CDH22: variants seen among roughly 807,000 people sequenced by gnomAD.
CDH22 encodes cadherin-22.
CDH22 carries 30 observed loss-of-function variants against 58.4 expected under a neutral mutation model. The ratio of observed to expected loss-of-function variants is 0.51; its 90% CI spans 0.38 to 0.70. The LOEUF (loss-of-function observed/expected upper bound fraction) is 0.70, where lower values mean the gene tolerates loss of function less well. Among genes scored for constraint, CDH22 ranks in the 30% least tolerant of loss-of-function variants. The pLI is 0.00. For synonymous variants in CDH22, 513 were observed against 558.2 expected, an observed-to-expected ratio of 0.92 and a Z score of 1.14; for missense variants, 1,014 against 1,233.9, an observed-to-expected ratio of 0.82 and a Z score of 2.67.
chr20:46,178,175 C>T lies in CDH22; in HGVS notation c.1686G>A (p.Thr562=), dbSNP rs370867766. 3.7e-6 allele frequency: 6 copies of T among 1,613,654 alleles called. No individual in the cohort carries two copies. The African/African-American group carries it at 4.0e-5, about 11-fold the overall frequency. The change falls in exon 11 of 12, where the codon ACG becomes ACA. Residue 562 remains threonine, a synonymous_variant. Coordinates refer to ENST00000537909, the MANE Select transcript of CDH22 (RefSeq NM_021248.3). ...DIQDNTAAVH[T]QHVGFNRQEQ... Reference sequence around the variant, plus strand: ...CCTGCCGGTTGAAGCCCACGTGCTGCGTGTGCACTGCAGCGGTGTTGTCTG... The same window carrying T: ...CCTGCCGGTTGAAGCCCACGTGCTGTGTGTGCACTGCAGCGGTGTTGTCTG...
At chr20:46,224,576 A>C (rs966824011) in intron 4 of CDH22, among the ~76,000 whole-genome samples, 3 of 152,142 alleles carry the variant, frequency 2.0e-5, no homozygotes, top group African/African-American at 7.2e-5. Flanking sequence ...TTAAAGCTGA[A>C]TTTTTTAGCT....
chr20:46,210,348 C>G lies in CDH22; in HGVS notation c.1245G>C (p.Val415=). The G allele has an allele frequency of 6.8e-7, 1 of 1,467,172 alleles. No homozygotes were observed. The highest frequency in any genetic ancestry group is 1.3e-5 in the South Asian group (1 of 76,528). The allele number at this position is 1,467,172 out of a possible 1,614,324, so 90.9% of individuals were successfully genotyped here. ...EDAQVGSLVG[V]VTARDPDAAN... is the part of the protein sequence containing the mutation. ...CGGCGTCGGGGTCCCGCGCCGTCAC[C>G]ACGCCGACCAGGGAGCCCACCTGCG... Residue 415 remains valine, a synonymous_variant, in exon 7 of 12, where the codon GTG becomes GTC. Coordinates refer to ENST00000537909, the MANE Select transcript of CDH22 (RefSeq NM_021248.3). This position sits in a 1 kb window ranked among gnomAD's most constrained non-coding sequence, Gnocchi z 4.5.
intron 1 of CDH22, among the ~76,000 whole-genome samples, chr20:46,306,369 G>A (rs192732943): frequency 6.6e-6 from 1 of 152,350 alleles, no homozygotes; most frequent in East Asian, 1.9e-4. Context: ...CAGCCCAGGT[G>A]GTCTCCAATG....
chr20:46,236,735 A>G (rs902029864), intron 3 of CDH22, among the ~76,000 whole-genome samples: 48 of 151,222 alleles, frequency 3.2e-4, no homozygotes, highest in Non-Finnish European at 1.2e-4. Context: ...ACTGTCACTC[A>G]GGCTGGAGTG....
chr20:46,275,577 G>T (rs1230533855), intron 1 of CDH22, among the ~76,000 whole-genome samples: 2 of 152,034 alleles, frequency 1.3e-5, no homozygotes, highest in Admixed American at 6.6e-5. Flanking sequence ...AATCTTTGTT[G>T]GTTCAATTCA....
intron 3 of CDH22, among the ~76,000 whole-genome samples, chr20:46,233,804 T>C (rs1170646608): frequency 6.6e-6 from 1 of 152,362 alleles, no homozygotes; most frequent in African/African-American, 2.4e-5. Context: ...TCCTGTCCCG[T>C]TCCCCCCAGC....
chr20:46,221,932 C>T (rs551502195), intron 4 of CDH22, among the ~76,000 whole-genome samples: 11 of 152,306 alleles, frequency 7.2e-5, no homozygotes, highest in Non-Finnish European at 1.3e-4. Flanking sequence ...TGCCGAGGGC[C>T]TACTACAGGT....
chr20:46,209,053 A>G (rs1000764827), intron 7 of CDH22, among the ~76,000 whole-genome samples: 1 of 152,256 alleles, frequency 6.6e-6, no homozygotes, highest in Non-Finnish European at 1.5e-5. Context: ...AGGTAATCAG[A>G]AAAGCAGGTA....
chr20:46,283,654 G>C (rs1041172401), intron 1 of CDH22, among the ~76,000 whole-genome samples: 2 of 152,106 alleles, frequency 1.3e-5, no homozygotes, highest in African/African-American at 4.8e-5. Context: ...TCTGGCTCAT[G>C]CCAGCACCTC....
Position 46,247,054 on chromosome 20 carries a change from C to G in CDH22, c.255+3986G>C, listed in dbSNP as rs971074190. ...GTGGGCTAATGACAACCTTCCCCCCCACTTAGTGGTAAGAAACTATACTGT... is the reference window on the plus strand; with the variant it reads ...GTGGGCTAATGACAACCTTCCCCCCGACTTAGTGGTAAGAAACTATACTGT... On this transcript the variant is annotated intron_variant, in intron 2 of 11. Coordinates refer to ENST00000537909, the MANE Select transcript of CDH22 (RefSeq NM_021248.3). 5.3e-5 allele frequency among the ~76,000 whole-genome samples: 8 copies of G among 151,640 alleles called. No homozygotes were observed. In the East Asian group the frequency reaches 1.2e-3, roughly 22 times the overall value.
At chr20:46,228,778 T>A (rs2086199032) in intron 3 of CDH22, among the ~76,000 whole-genome samples, 1 of 152,106 alleles carries the variant, frequency 6.6e-6, no homozygotes, top group African/African-American at 2.4e-5. Context: ...TGGGCTGGGC[T>A]GGGCTCCCTG....
rs117960688 is a variant in CDH22, at chr20:46,234,575, G to A, written c.550+6388C>T. 7.1e-3 allele frequency among the ~76,000 whole-genome samples: 1,084 copies of A among 152,274 alleles called. 4 individuals are homozygous for A. Among genetic ancestry groups the A allele is most frequent in the South Asian group, 0.028 (133 of 4,822 alleles). ...TCTTTTCCCATCTATTAAATATGCT[G>A]CTCACAGAGGAATTGAAACACATGG... On this transcript the variant is annotated intron_variant, in intron 3 of 11. Coordinates refer to ENST00000537909, the MANE Select transcript of CDH22 (RefSeq NM_021248.3).
rs772360006 is a variant in CDH22 at position 46,174,934 on chromosome 20, C to T, written c.2059G>A (p.Ala687Thr). 4 of 1,593,572 alleles carry T rather than the reference C, an allele frequency of 2.5e-6. No individual in the cohort carries two copies. In the African/African-American group the frequency reaches 4.0e-5, roughly 16 times the overall value. The change falls in exon 12 of 12, where the codon GCG becomes ACG. Residue 687 changes from alanine to threonine, a missense_variant. Around this residue, in one of 2 missense-constraint regions of CDH22, gnomAD observed 806 missense variants for 1,038.7 expected, o/e 0.78. Coordinates refer to ENST00000537909, the MANE Select transcript of CDH22 (RefSeq NM_021248.3). This position sits in a 1 kb window ranked among gnomAD's most constrained non-coding sequence, Gnocchi z 4.4. ...CCGAAGTCGTAGAGGCTCCGCAGCGCCGACATGTCGTAGGCTTCGGTGTCC... is the reference window on the plus strand; with the variant it reads ...CCGAAGTCGTAGAGGCTCCGCAGCGTCGACATGTCGTAGGCTTCGGTGTCC... ...EQDTEAYDMSALRSLYDFGEL... is the reference protein window; with the variant it reads ...EQDTEAYDMSTLRSLYDFGEL...
At chr20:46,280,014 G>A (rs1213925819) in intron 1 of CDH22, among the ~76,000 whole-genome samples, 2 of 152,186 alleles carry the variant, frequency 1.3e-5, no homozygotes, top group Non-Finnish European at 2.9e-5. Context: ...ACAGAGGGCT[G>A]CAGTGATTTG....
chr20:46,174,859 CGCCCGCT>C lies in CDH22; in HGVS notation c.2127_2133del (p.Ala710GlyfsTer192). 7.5e-7 allele frequency: 1 copy of C among 1,326,160 alleles called. No individual in the cohort carries two copies. Among genetic ancestry groups the C allele is most frequent in the Non-Finnish European group, 9.6e-7 (1 of 1,038,428 alleles). 82.1% of individuals were successfully genotyped at this position (1,326,160 alleles called of 1,614,324 possible). A position where few individuals can be genotyped will look rare whatever the true frequency, so the allele number is the denominator to read the frequency against. Reference sequence around the variant, plus strand: ...CTGCCCGCGCCCCCGCCCGAGCCCCCGCCCGCTCCCCCGCCCGCGCTGCCGCCCCCGT... The same window carrying C: ...CTGCCCGCGCCCCCGCCCGAGCCCCCCCCCCGCCCGCGCTGCCGCCCCCGT... On this transcript the variant is annotated frameshift_variant, in exon 12 of 12. Transcript: ENST00000537909. LOFTEE classifies it low-confidence loss of function (END_TRUNC). The surrounding 1 kb of genome is among the most constrained non-coding windows in gnomAD (Gnocchi z 4.4).
intron 11 of CDH22, 67 bp downstream of exon 11, chr20:46,177,879 G>A (rs886973029): frequency 2.5e-6 from 4 of 1,578,394 alleles, no homozygotes; most frequent in Non-Finnish European, 2.6e-6. Context: ...GGGCTGGTTA[G>A]GAAGGAAACC....
chr20:46,308,097 G>C lies in CDH22; in HGVS notation c.-400+158C>G, dbSNP rs2059032044. ...CCGGCCGAGAGGAGGGGGCGCGCAG[G>C]GCCGGGCGCAGGCACCCCGGCTCCT... On this transcript the variant is annotated intron_variant, in intron 1 of 11. Transcript: ENST00000537909. This position sits in a 1 kb window ranked among gnomAD's most constrained non-coding sequence, Gnocchi z 4.3. Among the ~76,000 whole-genome samples, 2 of 151,344 alleles carry C rather than the reference G, an allele frequency of 1.3e-5. No individual in the cohort carries two copies. The highest frequency in any genetic ancestry group is 1.3e-4 in the Admixed American group (2 of 15,206).
At chr20:46,207,179 C>T (rs1022250424) in intron 7 of CDH22, among the ~76,000 whole-genome samples, 4 of 152,264 alleles carry the variant, frequency 2.6e-5, no homozygotes, top group South Asian at 2.1e-4. Context: ...CTGAGGAGCC[C>T]CAGGGAAGGG....
chr20:46,201,386 T>C (rs2085960444), intron 7 of CDH22, among the ~76,000 whole-genome samples: 1 of 152,198 alleles, frequency 6.6e-6, no homozygotes, highest in Non-Finnish European at 1.5e-5. Flanking sequence ...CTTGGCTGCA[T>C]TGCCAAACCT....
Sources: allele counts gnomAD v4.1 joint callset (sites outside exome capture counted in the v4.1 genomes callset), GRCh38; gene constraint gnomAD v4.1.1; regional missense constraint gnomAD v4.1.1; non-coding constraint Gnocchi (gnomAD v3.1); transcripts MANE v1.5; gene names NCBI Gene and HGNC (gene_info 2026-07-23, HGNC 2026-07-21).